The following IQCM variants were observed in gnomAD, a reference collection of about 807,000 sequenced individuals.
IQCM encodes the protein IQ domain-containing protein M.
Under a neutral mutation model 57.6 loss-of-function variants are expected in IQCM, and 45 were observed. The observed-to-expected ratio is 0.78, with a 90% CI of 0.62 to 1.00. The LOEUF is 1.00. IQCM is among the 50% of genes least tolerant of loss of function. The pLI is 0.00. For missense variants in IQCM, 468 were observed against 511.6 expected (o/e 0.91, Z 0.82); for synonymous variants, 148 against 158.9 (o/e 0.93, Z 0.51).
At chr4:149,506,829 G>T (rs960067708) in intron 12 of IQCM, among the ~76,000 whole-genome samples, 1 of 152,046 alleles carries the variant, frequency 6.6e-6, no homozygotes, top group African/African-American at 2.4e-5. Context: ...TTCCTGCTCT[G>T]ACACTGCAGT....
chr4:149,432,282 A>G (rs1045721787), intron 13 of IQCM, among the ~76,000 whole-genome samples: 7 of 152,022 alleles, frequency 4.6e-5, no homozygotes, highest in Middle Eastern at 3.4e-3. Flanking sequence ...ACTGTAGTTT[A>G]AATTTGCATT....
intron 9 of IQCM, among the ~76,000 whole-genome samples, chr4:149,582,354 A>G (rs1417098499): frequency 2.5e-5 from 1 of 39,472 alleles, no homozygotes; most frequent in Non-Finnish European, 5.8e-5. Context: ...ATATATATAT[A>G]TATATATATA....
At chr4:149,545,173 TA>T (rs1247014215) in intron 12 of IQCM, among the ~76,000 whole-genome samples, 4 of 151,950 alleles carry the variant, frequency 2.6e-5, no homozygotes, top group South Asian at 2.1e-4. Context: ...GTTTCTATCA[TA>T]AAAAAATAAA....
chr4:149,503,870 A>C (rs1579288163), intron 12 of IQCM, among the ~76,000 whole-genome samples: 1 of 152,166 alleles, frequency 6.6e-6, no homozygotes, highest in East Asian at 1.9e-4. Flanking sequence ...ATTGGAGATG[A>C]AATTCATCTG....
intron 12 of IQCM, among the ~76,000 whole-genome samples, chr4:149,493,489 T>C (rs1742319773): frequency 6.6e-6 from 1 of 152,090 alleles, no homozygotes. Flanking sequence ...TCCAAGCAGG[T>C]ATAGAAATGC....
intron 2 of IQCM, among the ~76,000 whole-genome samples, chr4:149,758,179 T>C (rs28549126): frequency 0.23 from 35,209 of 152,084 alleles, 6,403 homozygotes; most frequent in African/African-American, 0.5. Flanking sequence ...TCAGATAAAA[T>C]AGACATTAGA....
intron 5 of IQCM, among the ~76,000 whole-genome samples, chr4:149,732,428 T>G (rs1040708635): frequency 5.9e-5 from 9 of 152,146 alleles, no homozygotes; most frequent in African/African-American, 2.2e-4. Context: ...GGTTGGTTGC[T>G]CCTCAGTGTT....
intron 10 of IQCM, among the ~76,000 whole-genome samples, chr4:149,554,476 C>G (rs191647958): frequency 5.3e-5 from 8 of 151,994 alleles, no homozygotes; most frequent in African/African-American, 1.4e-4. Flanking sequence ...ACCATCATGA[C>G]CGGCTAATTT....
At chr4:149,427,423 G>A (rs1462836054) in intron 13 of IQCM, among the ~76,000 whole-genome samples, 1 of 151,822 alleles carries the variant, frequency 6.6e-6, no homozygotes, top group African/African-American at 2.4e-5. Flanking sequence ...AATAGACCTG[G>A]TGCCATCTTA....
At chr4:149,729,461 GT>G (rs34484810) in intron 5 of IQCM, among the ~76,000 whole-genome samples, 59,061 of 144,546 alleles carry the variant, frequency 0.41, 13,597 homozygotes, top group African/African-American at 0.63. Context: ...TTTTTTTGTT[GT>G]TTTTTTTTTT....
Position 149,563,816 on chromosome 4 carries a change from A to G in IQCM, c.824T>C (p.Phe275Ser). Residue 275 changes from phenylalanine (F) to serine (S), a missense_variant, in exon 10 of 14, where the codon TTC becomes TCC. Phe to Ser is a radical substitution (Grantham distance 155, BLOSUM62 -2). Coordinates refer to ENST00000636793, the MANE Select transcript of IQCM (RefSeq NM_001363507.2). ...TTTTTTTCTTTCTCGGAACACTTGG[A>G]AGATTTCTATGTGTGGTCCAATTCT... is the stretch of plus-strand genomic sequence containing the variant. ...VKRIGPHIEIFQVFRERKKFM... is the reference protein window; with the variant it reads ...VKRIGPHIEISQVFRERKKFM... 8.1e-7 allele frequency: 1 copy of G among 1,231,914 alleles called. No individual in the cohort carries two copies. The highest frequency in any genetic ancestry group is 1.0e-6 in the Non-Finnish European group (1 of 987,796). The allele number at this position is 1,231,914 out of a possible 1,614,324, so 76.3% of individuals were successfully genotyped here. A position where few individuals can be genotyped will look rare whatever the true frequency, so the allele number is the denominator to read the frequency against.
intron 9 of IQCM, among the ~76,000 whole-genome samples, chr4:149,586,213 T>C (rs543179546): frequency 3.3e-5 from 5 of 151,776 alleles, no homozygotes; most frequent in African/African-American, 1.2e-4. Context: ...AATGTACATG[T>C]GACTGTTATA....
intron 12 of IQCM, among the ~76,000 whole-genome samples, chr4:149,507,657 T>C (rs1743967033): frequency 6.6e-6 from 1 of 152,104 alleles, no homozygotes; most frequent in Admixed American, 6.5e-5. Flanking sequence ...GTTAAAGATA[T>C]TCAGTTTTAA....
chr4:149,775,334 T>C (rs1580266811), intron 2 of IQCM, among the ~76,000 whole-genome samples: 1 of 150,562 alleles, frequency 6.6e-6, no homozygotes, highest in Non-Finnish European at 1.5e-5. Context: ...AAGTAGTGCC[T>C]GAAGTTTTAA....
At chr4:149,622,701 C>A (rs2150076433) in intron 7 of IQCM, among the ~76,000 whole-genome samples, 1 of 152,164 alleles carries the variant, frequency 6.6e-6, no homozygotes, top group Admixed American at 6.6e-5. Context: ...CTTTGTAAGA[C>A]CAAGGGAGTA....
intron 13 of IQCM, among the ~76,000 whole-genome samples, chr4:149,375,221 T>C (rs1265418386): frequency 6.6e-6 from 1 of 152,098 alleles, no homozygotes; most frequent in Non-Finnish European, 1.5e-5. Context: ...GTAAACAACA[T>C]TTGGGAAAAC....
chr4:149,802,235 A>G (rs183965098), intron 2 of IQCM, among the ~76,000 whole-genome samples: 40 of 143,840 alleles, frequency 2.8e-4, no homozygotes, highest in African/African-American at 8.5e-4. Context: ...TGAAAGAGGG[A>G]AAAAAAAAAA....
chr4:149,674,515 T>A (rs1761581074), intron 7 of IQCM, among the ~76,000 whole-genome samples: 1 of 152,012 alleles, frequency 6.6e-6, no homozygotes, highest in Admixed American at 6.6e-5. Context: ...AGTAGATAGG[T>A]CTGGAGGATG....
chr4:149,754,643 C>T (rs1293666382), intron 2 of IQCM, among the ~76,000 whole-genome samples: 2 of 152,158 alleles, frequency 1.3e-5, no homozygotes, highest in Non-Finnish European at 2.9e-5. Flanking sequence ...TTTCCAGTGT[C>T]CTAGATTTTC....
Sources: gnomAD v4.1 joint callset for allele counts (sites outside exome capture counted in the v4.1 genomes callset) on GRCh38, gnomAD v4.1.1 for gene constraint, MANE v1.5 for transcripts, NCBI Gene and HGNC (gene_info 2026-07-23, HGNC 2026-07-21) for gene names.